The following CPQ variants were observed in gnomAD, a reference collection of about 807,000 sequenced individuals.
CPQ encodes the protein Ser-Met dipeptidase.
A neutral mutation model predicts 45.7 loss-of-function variants in CPQ; 37 were observed. That is an observed-to-expected ratio of 0.81 (90% CI 0.62 to 1.07). The LOEUF (loss-of-function observed/expected upper bound fraction) is 1.07, where lower values mean the gene tolerates loss of function less well. Among genes scored for constraint, CPQ ranks in the 50% least tolerant of loss-of-function variants. CPQ has a pLI of 0.00. For missense variants in CPQ, 537 were observed against 572.9 expected (o/e 0.94, Z 0.64); for synonymous variants, 186 against 205.8 (o/e 0.90, Z 0.82).
At chr8:96,794,321 C>T (rs577397563) in intron 2 of CPQ, among the ~76,000 whole-genome samples, 1 of 152,310 alleles carries the variant, frequency 6.6e-6, no homozygotes, top group South Asian at 2.1e-4. Context: ...GATGCCAAGG[C>T]GTGAGGCTTG....
chr8:96,649,151 A>G (rs1485464223), intron 1 of CPQ, among the ~76,000 whole-genome samples: 3 of 152,030 alleles, frequency 2.0e-5, no homozygotes, highest in Non-Finnish European at 4.4e-5. Context: ...TAATTTTTTT[A>G]TTTTTAGTAG....
chr8:96,897,840 G>A (rs1299626960), intron 4 of CPQ, among the ~76,000 whole-genome samples: 1 of 152,148 alleles, frequency 6.6e-6, no homozygotes, highest in Non-Finnish European at 1.5e-5. Flanking sequence ...GCAGTAAATT[G>A]TTGAAGTCTT....
intron 1 of CPQ, among the ~76,000 whole-genome samples, chr8:96,707,421 T>C (rs1346239089): frequency 1.3e-5 from 2 of 152,116 alleles, no homozygotes; most frequent in Admixed American, 6.6e-5. Context: ...CAGGACAGCT[T>C]TGAATGCCCA....
In CPQ at chr8:96,837,611, C is replaced by T. The variant is rs552779623; in HGVS notation, c.641+2431C>T. Among the ~76,000 whole-genome samples the T allele has an allele frequency of 4.5e-4, 69 of 152,182 alleles. 1 individual carries two copies. Among genetic ancestry groups the T allele is most frequent in the Non-Finnish European group, 6.6e-4 (45 of 68,012 alleles). On this transcript the variant is annotated intron_variant, in intron 3 of 7. Coordinates refer to ENST00000220763, the MANE Select transcript of CPQ (RefSeq NM_016134.4). The stretch of plus-strand genomic sequence containing the variant: ...TATCCTCATCATGCTCCTATGAATG[C>T]GGTTCATACTTGTGAAGATGTGACT...
intron 3 of CPQ, among the ~76,000 whole-genome samples, chr8:96,845,719 T>G (rs756557509): frequency 2.0e-5 from 3 of 152,238 alleles, no homozygotes; most frequent in Admixed American, 6.5e-5. Flanking sequence ...GAAAGAATAG[T>G]AAATGACTCA....
At chr8:96,717,002 C>A (rs1249854538) in intron 1 of CPQ, among the ~76,000 whole-genome samples, 1 of 123,976 alleles carries the variant, frequency 8.1e-6, no homozygotes, top group African/African-American at 3.1e-5. Context: ...CTTTTTATGG[C>A]TGAGCAGTAT....
Position 96,918,034 on chromosome 8 carries a change from C to T in CPQ, c.849+38029C>T, listed in dbSNP as rs527759323. Among the ~76,000 whole-genome samples, 46 of 152,222 alleles carry T rather than the reference C, an allele frequency of 3.0e-4. 1 individual carries two copies. Among genetic ancestry groups the T allele is most frequent in the Admixed American group, 1.1e-3 (17 of 15,284 alleles). ...ACCTTATTCCAACCCCCTGCAGTGA[C>T]GTTGTTTCATACTGTTCTCTTTAAA... is the stretch of plus-strand genomic sequence containing the variant. On this transcript the variant is annotated intron_variant, in intron 4 of 7. Coordinates refer to ENST00000220763, the MANE Select transcript of CPQ (RefSeq NM_016134.4).
rs781045399 is a variant in CPQ at position 96,966,039 on chromosome 8, A to G, written c.954A>G (p.Lys318=). ...CATGGGAAGCACTCTCACTTATTAA[A>G]GATCTTGGTAAATATTTAGAAAATT... is the stretch of plus-strand genomic sequence containing the variant. ...FISWEALSLI[K]DLGLRPKRTL... Residue 318 remains lysine, a synonymous_variant, in exon 5 of 8, where the codon AAA becomes AAG. Transcript: ENST00000220763. 1.2e-6 allele frequency: 2 copies of G among 1,608,066 alleles called. No individual in the cohort carries two copies. The highest frequency in any genetic ancestry group is 1.7e-6 in the Non-Finnish European group (2 of 1,176,272).
At chr8:97,006,389 G>A (rs1021145650) in intron 5 of CPQ, among the ~76,000 whole-genome samples, 1 of 152,106 alleles carries the variant, frequency 6.6e-6, no homozygotes, top group Non-Finnish European at 1.5e-5. Context: ...AATCCAGCAG[G>A]CACTCTCATA....
intron 4 of CPQ, among the ~76,000 whole-genome samples, chr8:96,954,807 T>C (rs1244604208): frequency 1.3e-5 from 2 of 152,112 alleles, no homozygotes; most frequent in African/African-American, 4.8e-5. Flanking sequence ...CCAAGTGTTC[T>C]CATTGTTCAA....
At chr8:97,138,066 G>A (rs1464299631) in intron 7 of CPQ, among the ~76,000 whole-genome samples, 2 of 151,870 alleles carry the variant, frequency 1.3e-5, no homozygotes, top group East Asian at 3.9e-4. Context: ...ATGTTTTTTG[G>A]AGCATCTCCC....
intron 3 of CPQ, among the ~76,000 whole-genome samples, chr8:96,838,750 T>G (rs1453036649): frequency 6.6e-6 from 1 of 152,040 alleles, no homozygotes; most frequent in African/African-American, 2.4e-5. Flanking sequence ...AATGAATTTG[T>G]CTGAGGATGT....
intron 1 of CPQ, among the ~76,000 whole-genome samples, chr8:96,758,056 T>C (rs911324081): frequency 6.6e-6 from 1 of 152,248 alleles, no homozygotes; most frequent in Non-Finnish European, 1.5e-5. Flanking sequence ...TTTTTTAAAC[T>C]GTAAGGTTAC....
chr8:96,655,481 T>C (rs1315502523), intron 1 of CPQ, among the ~76,000 whole-genome samples: 1 of 152,208 alleles, frequency 6.6e-6, no homozygotes, highest in Non-Finnish European at 1.5e-5. Flanking sequence ...TAATTTTATA[T>C]CCATATATTC....
chr8:97,142,728 T>C (rs1366775719), intron 7 of CPQ, among the ~76,000 whole-genome samples: 1 of 152,224 alleles, frequency 6.6e-6, no homozygotes, highest in Non-Finnish European at 1.5e-5. Flanking sequence ...TTTTGCCCCA[T>C]GCAGCTCCAA....
intron 4 of CPQ, among the ~76,000 whole-genome samples, chr8:96,884,860 C>T (rs1296866658): frequency 1.3e-5 from 2 of 152,118 alleles, no homozygotes; most frequent in Admixed American, 6.5e-5. Flanking sequence ...CTACTTTGCT[C>T]CATAGCATAC....
intron 5 of CPQ, among the ~76,000 whole-genome samples, chr8:96,985,291 T>C (rs1586480648): frequency 6.6e-6 from 1 of 151,986 alleles, no homozygotes; most frequent in East Asian, 1.9e-4. Context: ...AATTCAGTAA[T>C]GTCATAAGCT....
At chr8:96,740,152 T>C (rs1380828087) in intron 1 of CPQ, among the ~76,000 whole-genome samples, 1 of 152,080 alleles carries the variant, frequency 6.6e-6, no homozygotes, top group African/African-American at 2.4e-5. Flanking sequence ...CAGTGGTTTG[T>C]AGTTCTCCTT....
intron 1 of CPQ, among the ~76,000 whole-genome samples, chr8:96,705,134 T>G (rs1206982611): frequency 6.6e-6 from 1 of 152,194 alleles, no homozygotes; most frequent in African/African-American, 2.4e-5. Flanking sequence ...TAAACTAAAC[T>G]ATCTATGCTT....
Sources: allele counts gnomAD v4.1 joint callset (sites outside exome capture counted in the v4.1 genomes callset), GRCh38; gene constraint gnomAD v4.1.1; transcripts MANE v1.5; gene names NCBI Gene and HGNC (gene_info 2026-07-23, HGNC 2026-07-21).